Variants in ME3 observed in about 807,000 individuals in gnomAD.
ME3 encodes the protein NADP-dependent malic enzyme, mitochondrial.
Under a neutral mutation model 68.9 loss-of-function variants are expected in ME3, and 48 were observed. That is an observed-to-expected ratio of 0.70 (90% CI 0.55 to 0.89). ME3 has a LOEUF of 0.89. Ranked by LOEUF, ME3 falls within the 40% of genes least tolerant of loss-of-function variation. The pLI, the probability that ME3 is intolerant of heterozygous loss-of-function variation, is 0.00. For synonymous variants in ME3, 320 were observed against 318.8 expected, an observed-to-expected ratio of 1.00 and a Z score of -0.04; for missense variants, 675 against 797.4, an observed-to-expected ratio of 0.85 and a Z score of 1.85.
intron 2 of ME3, among the ~76,000 whole-genome samples, chr11:86,574,997 TG>T (rs1958020663): frequency 8.4e-6 from 1 of 119,064 alleles, no homozygotes; most frequent in Non-Finnish European, 1.8e-5. Context: ...TTGTCCAGCC[TG>T]GGCAGGGGCC....
At chr11:86,483,694 A>G (rs1406554347) in intron 7 of ME3, among the ~76,000 whole-genome samples, 1 of 152,136 alleles carries the variant, frequency 6.6e-6, no homozygotes, top group East Asian at 1.9e-4. Context: ...GAATCCCTGT[A>G]TTTAGGGTTT....
chr11:86,491,923 T>C (rs563839087), intron 6 of ME3, among the ~76,000 whole-genome samples: 2 of 152,362 alleles, frequency 1.3e-5, no homozygotes, highest in African/African-American at 4.8e-5. Flanking sequence ...GTATTTTTAT[T>C]TGCTAAATCT....
intron 2 of ME3, among the ~76,000 whole-genome samples, chr11:86,596,411 CT>C (rs1426017617): frequency 1.3e-5 from 2 of 152,226 alleles, no homozygotes; most frequent in Admixed American, 1.3e-4. Context: ...TTAAAGCTAA[CT>C]GTCCCCTTCC....
intron 2 of ME3, among the ~76,000 whole-genome samples, chr11:86,589,150 C>T (rs146047139): frequency 2.6e-5 from 4 of 152,268 alleles, no homozygotes; most frequent in Non-Finnish European, 5.9e-5. Flanking sequence ...ACTGCCCTTT[C>T]CTTTCTTGGT....
chr11:86,544,156 G>C (rs113084454), intron 4 of ME3, among the ~76,000 whole-genome samples: 1 of 152,214 alleles, frequency 6.6e-6, no homozygotes, highest in Non-Finnish European at 1.5e-5. Context: ...AGCTAAAGCG[G>C]TGTTTAGAGG....
intron 2 of ME3, among the ~76,000 whole-genome samples, chr11:86,589,941 G>T (rs1424460181): frequency 6.6e-6 from 1 of 152,176 alleles, no homozygotes; most frequent in Non-Finnish European, 1.5e-5. Context: ...CAGTGATGGG[G>T]TGTGGGACTT....
At chr11:86,560,143 C>T (rs1273701858) in intron 2 of ME3, among the ~76,000 whole-genome samples, 2 of 152,166 alleles carry the variant, frequency 1.3e-5, no homozygotes, top group Non-Finnish European at 2.9e-5. Context: ...ACCCAAATCT[C>T]ATCTTGAATT....
chr11:86,658,401 G>A (rs1459341101), intron 2 of ME3, among the ~76,000 whole-genome samples: 1 of 151,922 alleles, frequency 6.6e-6, no homozygotes, highest in Non-Finnish European at 1.5e-5. Flanking sequence ...GGGATTATAG[G>A]TGTGAGCCAC....
intron 14 of ME3, among the ~76,000 whole-genome samples, chr11:86,441,988 C>T (rs975779641): frequency 1.3e-5 from 2 of 152,160 alleles, no homozygotes; most frequent in African/African-American, 4.8e-5. Context: ...AATCTTGAGG[C>T]TTGATTCTGG....
At chr11:86,531,551 C>T (rs988037790) in intron 4 of ME3, among the ~76,000 whole-genome samples, 70 of 152,266 alleles carry the variant, frequency 4.6e-4, no homozygotes, top group Middle Eastern at 3.4e-3. Context: ...CATGCACACG[C>T]ATGTTTATTG....
At chr11:86,532,377 A>G (rs550821303) in intron 4 of ME3, among the ~76,000 whole-genome samples, 2 of 152,338 alleles carry the variant, frequency 1.3e-5, no homozygotes, top group South Asian at 2.1e-4. Context: ...ATCTACAGAT[A>G]TATACAGAAC....
chr11:86,517,562 A>G (rs762105166), intron 4 of ME3, among the ~76,000 whole-genome samples: 1 of 152,208 alleles, frequency 6.6e-6, no homozygotes, highest in Non-Finnish European at 1.5e-5. Context: ...CTCTGATTAA[A>G]GTAGAAGTGA....
chr11:86,499,376 A>G (rs1952571642), intron 5 of ME3, among the ~76,000 whole-genome samples: 1 of 152,180 alleles, frequency 6.6e-6, no homozygotes. Context: ...AGCACTAGCT[A>G]TCTCTATCTC....
chr11:86,539,437 G>C (rs146526029), intron 4 of ME3, among the ~76,000 whole-genome samples: 1 of 152,114 alleles, frequency 6.6e-6, no homozygotes, highest in Admixed American at 6.6e-5. Context: ...TATTGGCTTA[G>C]AATTGTTCTC....
intron 8 of ME3, among the ~76,000 whole-genome samples, chr11:86,453,684 C>T (rs1447068435): frequency 6.6e-6 from 1 of 152,204 alleles, no homozygotes; most frequent in Admixed American, 6.5e-5. Context: ...TTATTTGTTT[C>T]TAACACCAAA....
intron 11 of ME3, 65 bp downstream of exon 11, chr11:86,448,085 G>T (rs1251048449): frequency 3.4e-6 from 4 of 1,163,878 alleles, no homozygotes; most frequent in Non-Finnish European, 5.1e-6. Context: ...CTGAGCCTCT[G>T]TCTCTCCATC....
chr11:86,660,084 C>G (rs1366045104), intron 2 of ME3, among the ~76,000 whole-genome samples: 2 of 152,198 alleles, frequency 1.3e-5, no homozygotes, highest in East Asian at 3.8e-4. Context: ...ATTTAAGCTT[C>G]TCTCAGGCAA....
chr11:86,645,283 C>G (rs1309235273), intron 2 of ME3, among the ~76,000 whole-genome samples: 2 of 152,186 alleles, frequency 1.3e-5, no homozygotes, highest in African/African-American at 2.4e-5. Context: ...ATCCCACCCC[C>G]ACAGAGCCCA....
rs1252555343 is a variant in ME3, at chr11:86,480,109, G to A, written c.809+7228C>T. On this transcript the variant is annotated intron_variant, in intron 7 of 14. Transcript: ENST00000543262. ...GCTGGGATTGTAGGCATGAGCCACC[G>A]CGCCTGGCCTAGCTGATGTCTTTTA... Among the ~76,000 whole-genome samples the A allele has an allele frequency of 5.3e-5, 8 of 152,322 alleles. No homozygotes were observed. In the South Asian group the frequency reaches 1.5e-3, roughly 28 times the overall value.
Sources: gnomAD v4.1 joint callset for allele counts (sites outside exome capture counted in the v4.1 genomes callset) on GRCh38, gnomAD v4.1.1 for gene constraint, MANE v1.5 for transcripts, NCBI Gene and HGNC (gene_info 2026-07-23, HGNC 2026-07-21) for gene names.